NAV2: variants seen among roughly 807,000 people sequenced by gnomAD.
NAV2 encodes the protein helicase, APC down-regulated 1.
A neutral mutation model predicts 223.2 loss-of-function variants in NAV2; 54 were observed. The observed-to-expected ratio is 0.24, with a 90% CI of 0.19 to 0.30. The LOEUF (loss-of-function observed/expected upper bound fraction) is 0.30, where lower values mean the gene tolerates loss of function less well. Ranked by LOEUF, NAV2 falls within the 10% of genes least tolerant of loss-of-function variation. NAV2 has a pLI of 1.00. For synonymous variants in NAV2, 1,279 were observed against 1,239.3 expected, an observed-to-expected ratio of 1.03 and a Z score of -0.67; for missense variants, 2,806 against 3,147.5, an observed-to-expected ratio of 0.89 and a Z score of 2.60.
rs187655151 is a variant in NAV2 at position 20,076,705 on chromosome 11, T to G, written c.4984-847T>G. Among the ~76,000 whole-genome samples the G allele has an allele frequency of 3.3e-5, 5 of 152,350 alleles. No individual in the cohort carries two copies. The East Asian group carries it at 9.6e-4, about 29-fold the overall frequency. On this transcript the variant is annotated intron_variant, in intron 22 of 37. Transcript: ENST00000349880. ...GTTACCTCTTACCCTTGAAGAGAGT[T>G]GCAGAGCAAGTGGCAGTCAGGAAAA... is the stretch of plus-strand genomic sequence containing the variant.
chr11:19,907,792 T>C (rs1003246860), intron 6 of NAV2, among the ~76,000 whole-genome samples: 4 of 152,208 alleles, frequency 2.6e-5, no homozygotes, highest in Non-Finnish European at 4.4e-5. Context: ...TCTCTGAATA[T>C]GATTTTATTT....
chr11:19,449,460 G>T (rs1233517703), intron 1 of NAV2, among the ~76,000 whole-genome samples: 1 of 151,950 alleles, frequency 6.6e-6, no homozygotes, highest in Non-Finnish European at 1.5e-5. Context: ...AGAATGCATT[G>T]GTACCAACCC....
intron 1 of NAV2, among the ~76,000 whole-genome samples, chr11:19,485,065 T>C (rs1456503850): frequency 2.0e-5 from 3 of 152,160 alleles, no homozygotes; most frequent in Admixed American, 2.0e-4. Flanking sequence ...ACAGACTCAG[T>C]TATTCCATTC....
At chr11:20,012,715 G>T (rs1259223600) in intron 11 of NAV2, among the ~76,000 whole-genome samples, 1 of 151,632 alleles carries the variant, frequency 6.6e-6, no homozygotes, top group African/African-American at 2.4e-5. Context: ...AGCGACCAGG[G>T]GATAGGGTTG....
intron 1 of NAV2, among the ~76,000 whole-genome samples, chr11:19,554,425 G>A (rs1347101276): frequency 6.6e-6 from 1 of 152,184 alleles, no homozygotes; most frequent in Non-Finnish European, 1.5e-5. Context: ...CTCTGGGGGA[G>A]ACACCAGGCT....
chr11:19,983,060 AT>A (rs1332271226), intron 10 of NAV2, among the ~76,000 whole-genome samples: 1 of 152,116 alleles, frequency 6.6e-6, no homozygotes, highest in Non-Finnish European at 1.5e-5. Flanking sequence ...GGGTGATCTG[AT>A]GGGGCCCATA....
intron 19 of NAV2, among the ~76,000 whole-genome samples, chr11:20,059,792 G>T (rs1423213397): frequency 6.6e-6 from 1 of 152,186 alleles, no homozygotes; most frequent in Non-Finnish European, 1.5e-5. Context: ...AAAAATGTGA[G>T]GTATAGCTAT....
intron 7 of NAV2, among the ~76,000 whole-genome samples, chr11:19,938,556 A>G (rs1174496592): frequency 1.3e-5 from 2 of 152,258 alleles, no homozygotes; most frequent in Non-Finnish European, 2.9e-5. Context: ...ATGTTGAACT[A>G]ATTTTAAAAC....
chr11:20,103,847 C>A, intron 34 of NAV2, 123 bp downstream of exon 34: 1 of 878,380 alleles, frequency 1.1e-6, no homozygotes, highest in Non-Finnish European at 1.9e-6. Context: ...AAGCATTTTT[C>A]TCAGCTTAAT....
intron 1 of NAV2, among the ~76,000 whole-genome samples, chr11:19,396,483 T>C (rs1413241405): frequency 6.6e-6 from 1 of 152,234 alleles, no homozygotes; most frequent in African/African-American, 2.4e-5. Flanking sequence ...TAGAACGCCC[T>C]ATCTGTGTCC....
chr11:19,787,150 G>A (rs1205832008), intron 1 of NAV2, among the ~76,000 whole-genome samples: 1 of 151,904 alleles, frequency 6.6e-6, no homozygotes, highest in Non-Finnish European at 1.5e-5. Context: ...GGGTGCAGTG[G>A]TACCATCATA....
Position 19,948,705 on chromosome 11 carries a change from C to A in NAV2, c.2270C>A (p.Thr757Lys). 7 of 1,583,558 alleles carry A rather than the reference C, an allele frequency of 4.4e-6. No individual in the cohort carries two copies. Among genetic ancestry groups the A allele is most frequent in the Non-Finnish European group, 6.0e-6 (7 of 1,159,624 alleles). ...TTTGTTTCTAGCACATTGGAAACCA[C>A]GTTTGACACCAATGTCACCACGGAG... ...TQVTHSTLET[T>K]FDTNVTTEMS... Residue 757 changes from threonine to lysine, a missense_variant, in exon 10 of 38, where the codon ACG becomes AAG. Physicochemically the swap from Thr to Lys is moderately conservative, Grantham distance 78. Around this residue, in one of 4 missense-constraint regions of NAV2, gnomAD observed 1,167 missense variants for 1,180.5 expected, o/e 0.99. Coordinates refer to ENST00000349880, the MANE Select transcript of NAV2 (RefSeq NM_145117.5).
At chr11:19,715,761 C>T (rs2050255412) in intron 1 of NAV2, among the ~76,000 whole-genome samples, 1 of 152,214 alleles carries the variant, frequency 6.6e-6, no homozygotes, top group African/African-American at 2.4e-5. Flanking sequence ...GACTTTGCTT[C>T]CCTCTTTTGC....
intron 6 of NAV2, among the ~76,000 whole-genome samples, chr11:19,917,653 C>T (rs1175914530): frequency 6.6e-6 from 1 of 152,224 alleles, no homozygotes; most frequent in East Asian, 1.9e-4. Flanking sequence ...CACTCTGTCA[C>T]CCAGGCTGGA....
At chr11:19,752,784 A>G (rs898599611) in intron 1 of NAV2, among the ~76,000 whole-genome samples, 1 of 152,166 alleles carries the variant, frequency 6.6e-6, no homozygotes, top group African/African-American at 2.4e-5. Flanking sequence ...ATTGGTAAGT[A>G]TTAGACAAAC....
rs563131550 is a variant in NAV2 at position 19,821,216 on chromosome 11, T to C, written c.268-11268T>C. On this transcript the variant is annotated intron_variant, in intron 1 of 37. Transcript: ENST00000349880. ...GGCGGAGCTTGCAGTGAGCCGAGAT[T>C]GCGCCACTGCACTCCAGCCTGGGCG... 2.6e-3 allele frequency among the ~76,000 whole-genome samples: 381 copies of C among 146,176 alleles called. 5 individuals carry two copies. The highest frequency in any genetic ancestry group is 0.023 in the Admixed American group (324 of 14,350).
chr11:19,543,475 C>T (rs1289900276), intron 1 of NAV2, among the ~76,000 whole-genome samples: 1 of 152,136 alleles, frequency 6.6e-6, no homozygotes, highest in Non-Finnish European at 1.5e-5. Context: ...TTTCTTTTAT[C>T]GCACCAAATC....
chr11:19,371,583 A>G (rs1368319325), intron 1 of NAV2, among the ~76,000 whole-genome samples: 1 of 152,170 alleles, frequency 6.6e-6, no homozygotes, highest in African/African-American at 2.4e-5. Context: ...GAATGTAGGT[A>G]GTACTAGCTG....
At chr11:19,398,284 A>G (rs927449741) in intron 1 of NAV2, among the ~76,000 whole-genome samples, 5 of 152,100 alleles carry the variant, frequency 3.3e-5, no homozygotes, top group Non-Finnish European at 7.4e-5. Flanking sequence ...AAACATCCAG[A>G]TGTTGGAGAA....
Sources: allele counts gnomAD v4.1 joint callset (sites outside exome capture counted in the v4.1 genomes callset), GRCh38; gene constraint gnomAD v4.1.1; regional missense constraint gnomAD v4.1.1; transcripts MANE v1.5; gene names NCBI Gene and HGNC (gene_info 2026-07-23, HGNC 2026-07-21).